The following CFAP46 variants were observed in gnomAD, a reference collection of about 807,000 sequenced individuals.
CFAP46 encodes the protein cilia- and flagella-associated protein 46.
A neutral mutation model predicts 325.7 loss-of-function variants in CFAP46; 245 were observed. The ratio of observed to expected loss-of-function variants is 0.75; its 90% CI spans 0.68 to 0.84. CFAP46 has a LOEUF of 0.84. Ranked by LOEUF, CFAP46 falls within the 40% of genes least tolerant of loss-of-function variation. The pLI, the probability that CFAP46 is intolerant of heterozygous loss-of-function variation, is 0.00. For synonymous variants in CFAP46, 1,523 were observed against 1,495.9 expected (o/e 1.02, Z -0.42); for missense variants, 3,346 against 3,543.0 (o/e 0.94, Z 1.41).
intron 50 of CFAP46, among the ~76,000 whole-genome samples, chr10:132,816,080 C>A (rs1158052817): frequency 6.6e-6 from 1 of 152,192 alleles, no homozygotes; most frequent in Non-Finnish European, 1.5e-5. Context: ...TTGCTTTCTT[C>A]CTGGCATCGG....
At chr10:132,910,993 G>A (rs59112236) in intron 19 of CFAP46, among the ~76,000 whole-genome samples, 17,378 of 152,172 alleles carry the variant, frequency 0.11, 2,731 homozygotes, top group African/African-American at 0.35. Flanking sequence ...CTGCCAAGTC[G>A]GTGCTGGCAT....
At chr10:132,920,345 A>G (rs1052482808) in intron 13 of CFAP46, among the ~76,000 whole-genome samples, 163 bp from the exon 14 acceptor site, 1 of 152,108 alleles carries the variant, frequency 6.6e-6, no homozygotes, top group Non-Finnish European at 1.5e-5. Flanking sequence ...CTCCTCACAG[A>G]GCTGCAGAGT....
At chr10:132,842,090 C>T (rs950158614) in intron 44 of CFAP46, among the ~76,000 whole-genome samples, 1 of 152,214 alleles carries the variant, frequency 6.6e-6, no homozygotes, top group African/African-American at 2.4e-5. Flanking sequence ...GATCCTTCCG[C>T]TCACTTTTCT....
chr10:132,860,374 A>G, intron 37 of CFAP46, 43 bp downstream of exon 37: 2 of 1,463,546 alleles, frequency 1.4e-6, no homozygotes, highest in Non-Finnish European at 1.9e-6. Context: ...AGAGGAAACC[A>G]CAGCTTTCAC....
At chr10:132,904,700 A>G (rs2135503757) in intron 22 of CFAP46, among the ~76,000 whole-genome samples, 1 of 152,366 alleles carries the variant, frequency 6.6e-6, no homozygotes, top group South Asian at 2.1e-4. Context: ...TTTATGCAGC[A>G]GCACTCTGCA....
chr10:132,809,386 A>G (rs948316244), intron 57 of CFAP46, among the ~76,000 whole-genome samples: 4 of 152,156 alleles, frequency 2.6e-5, no homozygotes, highest in Non-Finnish European at 5.9e-5. Flanking sequence ...TGGGCCCCAC[A>G]CTGGCCACAT....
rs531397832 is a variant in CFAP46 at position 132,881,109 on chromosome 10, T to C, written c.3628-77A>G. ...TCCTGACGCAGTGGAATACTTTTAT[T>C]GCTCATTTTCTACAAGAAAAGCTTC... On this transcript the variant is annotated intron_variant, in intron 27 of 57. Transcript: ENST00000368586. 40 of 1,337,684 alleles carry C rather than the reference T, an allele frequency of 3.0e-5. 1 individual carries two copies. In the African/African-American group the frequency reaches 3.6e-4, roughly 12 times the overall value. 82.9% of individuals were successfully genotyped at this position (1,337,684 alleles called of 1,614,324 possible).
chr10:132,835,938 G>T (rs1324159246), intron 46 of CFAP46, among the ~76,000 whole-genome samples: 1 of 79,356 alleles, frequency 1.3e-5, no homozygotes, highest in Non-Finnish European at 2.4e-5. Context: ...TCCTGCCCCT[G>T]CTCCCCCCTC....
chr10:132,863,595 A>G (rs1212790870), intron 35 of CFAP46, among the ~76,000 whole-genome samples: 2 of 145,280 alleles, frequency 1.4e-5, no homozygotes, highest in East Asian at 4.3e-4. Flanking sequence ...TGCCTGAGAC[A>G]TGCACAAACC....
chr10:132,845,902 C>G (rs1848426192), intron 44 of CFAP46, among the ~76,000 whole-genome samples, 155 bp downstream of exon 44: 1 of 152,156 alleles, frequency 6.6e-6, no homozygotes, highest in East Asian at 1.9e-4. Context: ...GAGAGGCGAC[C>G]CAGGTGCACA....
At chr10:132,873,320 C>G (rs1231724169) in intron 31 of CFAP46, among the ~76,000 whole-genome samples, 2 of 152,190 alleles carry the variant, frequency 1.3e-5, no homozygotes, top group African/African-American at 4.8e-5. Context: ...CTTCTAAGAA[C>G]TGGAGGATAA....
chr10:132,881,375 G>A (rs927865308), intron 27 of CFAP46, among the ~76,000 whole-genome samples: 103 of 152,270 alleles, frequency 6.8e-4, no homozygotes, highest in Admixed American at 6.0e-3. Context: ...TCCTGCTGTC[G>A]CTCTGTCTGC....
At position 132,898,981 on chromosome 10, in the gene CFAP46, T is replaced by C. The variant is rs1278094404; in HGVS notation, c.3197A>G (p.Asn1066Ser). Reference sequence around the variant, plus strand: ...CACCTGCTTTCTGGCCTCTGTCTTGTTGATGATGCCGATGAGCCTCTTCAG... The same window carrying C: ...CACCTGCTTTCTGGCCTCTGTCTTGCTGATGATGCCGATGAGCCTCTTCAG... ...GALKRLIGII[N>S]KTEARKQEKG... The change falls in exon 24 of 58, where the codon AAC (asparagine) becomes AGC (serine). Residue 1066 changes from asparagine (N) to serine (S), a missense_variant. By Grantham distance (46) the Asn-to-Ser change is conservative. Transcript: ENST00000368586. 1 of 1,550,534 alleles carries C rather than the reference T, an allele frequency of 6.4e-7. No individual in the cohort carries two copies. Among genetic ancestry groups the C allele is most frequent in the Non-Finnish European group, 8.7e-7 (1 of 1,146,962 alleles).
At position 132,884,697 on chromosome 10, in the gene CFAP46, G is replaced by T. The variant is rs1849095921; in HGVS notation, c.3627+406C>A. Among the ~76,000 whole-genome samples, 1 of 152,034 alleles carries T rather than the reference G, an allele frequency of 6.6e-6. No individual in the cohort carries two copies. The highest frequency in any genetic ancestry group is 1.5e-5 in the Non-Finnish European group (1 of 67,974). On this transcript the variant is annotated intron_variant, in intron 27 of 57. Coordinates refer to ENST00000368586, the MANE Select transcript of CFAP46 (RefSeq NM_001200049.3). The surrounding 1 kb of genome is among the most constrained non-coding windows in gnomAD (Gnocchi z 5.4). ...ATCCCCAGAACGCCCACATCCCAGG[G>T]CCCTGCAGAGCCCTGCTCTCCTGTG...
At position 132,808,944 on chromosome 10, in the gene CFAP46, C is replaced by G; in HGVS notation, c.7665-40G>C. 1 of 1,524,216 alleles carries G rather than the reference C, an allele frequency of 6.6e-7. No homozygotes were observed. The highest frequency in any genetic ancestry group is 2.3e-5 in the East Asian group (1 of 43,542). The allele number at this position is 1,524,216 out of a possible 1,614,324, so 94.4% of individuals were successfully genotyped here. Reference sequence around the variant, plus strand: ...GCGGGAGCTATGAACCCCGAGGCCCCGCAGGACGTCCAGCCCGGTGAGGAC... The same window carrying G: ...GCGGGAGCTATGAACCCCGAGGCCCGGCAGGACGTCCAGCCCGGTGAGGAC... On this transcript the variant is annotated intron_variant, in intron 57 of 57. Transcript: ENST00000368586. The surrounding 1 kb of genome is among the most constrained non-coding windows in gnomAD (Gnocchi z 6.8).
chr10:132,850,099 C>T (rs950807036), intron 41 of CFAP46, 145 bp downstream of exon 41: 1 of 825,786 alleles, frequency 1.2e-6, no homozygotes. Flanking sequence ...AGCCCCATTT[C>T]TTCCCTCACG....
chr10:132,936,274 T>C (rs1591101692), intron 7 of CFAP46, among the ~76,000 whole-genome samples: 1 of 85,756 alleles, frequency 1.2e-5, no homozygotes, highest in Non-Finnish European at 2.3e-5. Context: ...CCAAACACAC[T>C]GTGATCTCCT....
At position 132,869,307 on chromosome 10, in the gene CFAP46, C is replaced by G. The variant is rs1381055850; in HGVS notation, c.4577G>C (p.Gly1526Ala). 1 of 1,539,410 alleles carries G rather than the reference C, an allele frequency of 6.5e-7. No individual in the cohort carries two copies. The stretch of plus-strand genomic sequence containing the variant: ...CTCCAGCTCGCTGACGCACACCTGC[C>G]CGACCGCCTCTTCATGGCGCGCGGC... ...EAAARHEEAV[G>A]QVCVSELEQA... The change falls in exon 33 of 58, where the codon GGG (glycine) becomes GCG (alanine). Residue 1526 changes from glycine to alanine, a missense_variant. Gly to Ala is a moderately conservative substitution (Grantham distance 60). Coordinates refer to ENST00000368586, the MANE Select transcript of CFAP46 (RefSeq NM_001200049.3). The surrounding 1 kb of genome is among the most constrained non-coding windows in gnomAD (Gnocchi z 6.2).
chr10:132,834,621 G>A, intron 48 of CFAP46, 33 bp downstream of exon 48: 4 of 1,609,824 alleles, frequency 2.5e-6, no homozygotes, highest in Non-Finnish European at 3.4e-6. Context: ...CGTGAGCGTG[G>A]TGGGGTGCCA....
Sources: gnomAD v4.1 joint callset for allele counts (sites outside exome capture counted in the v4.1 genomes callset) on GRCh38, gnomAD v4.1.1 for gene constraint, Gnocchi (gnomAD v3.1) non-coding constraint, MANE v1.5 for transcripts, NCBI Gene and HGNC (gene_info 2026-07-23, HGNC 2026-07-21) for gene names.